The following GSE1 variants were observed in gnomAD, a reference collection of about 807,000 sequenced individuals.
GSE1 encodes Gse1 coiled-coil protein.
GSE1 carries 32 observed loss-of-function variants against 112.6 expected under a neutral mutation model. The ratio of observed to expected loss-of-function variants is 0.28; its 90% CI spans 0.21 to 0.38. GSE1 has a LOEUF of 0.38. GSE1 is among the 10% of genes least tolerant of loss of function. The pLI is 1.00. For missense variants in GSE1, 2,348 were observed against 1,699.2 expected, an observed-to-expected ratio of 1.38 and a Z score of -6.71; for synonymous variants, 1,115 against 735.6, an observed-to-expected ratio of 1.52 and a Z score of -8.35.
intron 1 of GSE1, among the ~76,000 whole-genome samples, chr16:85,291,226 G>A (rs768011481): frequency 3.3e-5 from 5 of 152,172 alleles, no homozygotes; most frequent in Non-Finnish European, 7.3e-5. Flanking sequence ...TCCAAGCTGA[G>A]GTCTCCTGAT....
At chr16:85,242,177 C>T (rs141600605) in intron 1 of GSE1, among the ~76,000 whole-genome samples, 1,761 of 152,306 alleles carry the variant, frequency 0.012, 13 homozygotes, top group Non-Finnish European at 0.017. Context: ...CAGAGGCCCT[C>T]GCTTCCTCTC....
At chr16:85,321,968 T>C (rs372821509) in intron 1 of GSE1, among the ~76,000 whole-genome samples, 57 of 152,316 alleles carry the variant, frequency 3.7e-4, no homozygotes, top group African/African-American at 1.3e-3. Flanking sequence ...TCCAGCTTCC[T>C]GACCGCCAGG....
chr16:85,654,237 A>G (rs757920669), intron 3 of GSE1, 41 bp from the exon 4 acceptor site: 12 of 1,553,284 alleles, frequency 7.7e-6, no homozygotes, highest in African/African-American at 2.7e-5. Flanking sequence ...TCAGTGGCCT[A>G]TACCAGGCTC....
At chr16:85,246,434 T>TAC (rs141045364) in intron 1 of GSE1, among the ~76,000 whole-genome samples, 8,618 of 44,106 alleles carry the variant, frequency 0.2, 1,155 homozygotes, top group Middle Eastern at 0.25. Context: ...CCATGCTCTC[T>TAC]ACACACACAC....
chr16:85,216,835 C>T (rs2075313564), intron 1 of GSE1, among the ~76,000 whole-genome samples: 1 of 152,254 alleles, frequency 6.6e-6, no homozygotes, highest in African/African-American at 2.4e-5. Flanking sequence ...CTCAAACCCA[C>T]TCCTGTCTCT....
rs139862928 is a variant in GSE1, at chr16:85,296,237, C to T, written c.2284-61226C>T. The stretch of plus-strand genomic sequence containing the variant: ...TCCCTCCCCGTGGCCAGTCTCTAAC[C>T]ACCTCCCACGCACGGCTCATCATGT... On this transcript the variant is annotated intron_variant, in intron 1 of 2. Coordinates refer to the GSE1 transcript ENST00000637419. Among the ~76,000 whole-genome samples the T allele has an allele frequency of 1.0e-3, 158 of 152,268 alleles. 2 individuals are homozygous for T. Among genetic ancestry groups the T allele is most frequent in the East Asian group, 5.2e-3 (27 of 5,178 alleles).
At position 85,211,108 on chromosome 16, in the gene GSE1, A is replaced by C. The variant is rs570445355; in HGVS notation, c.2283+39301A>C. Among the ~76,000 whole-genome samples, 22 of 152,228 alleles carry C rather than the reference A, an allele frequency of 1.4e-4. 1 individual carries two copies. In the South Asian group the frequency reaches 3.3e-3, roughly 23 times the overall value. On this transcript the variant is annotated intron_variant, in intron 1 of 2. Coordinates refer to the GSE1 transcript ENST00000637419. ...TATTGAGTGCCTCCTGTTTGCAGAC[A>C]CTGGGCTCTGTGAGCCACAGGCATG...
At chr16:85,668,022 C>G in intron 13 of GSE1, 118 bp from the exon 14 acceptor site, 1 of 754,216 alleles carries the variant, frequency 1.3e-6, no homozygotes, top group African/African-American at 1.7e-5. Context: ...TCATCTTGGT[C>G]CCCGGAGCCC....
chr16:85,227,371 G>T (rs2075507408), intron 1 of GSE1, among the ~76,000 whole-genome samples: 2 of 152,342 alleles, frequency 1.3e-5, no homozygotes, highest in Non-Finnish European at 1.5e-5. Context: ...TCAACGGTGG[G>T]TATGTCCAGA....
chr16:85,290,510 G>A (rs896053204), intron 1 of GSE1, among the ~76,000 whole-genome samples: 1 of 152,138 alleles, frequency 6.6e-6, no homozygotes, highest in African/African-American at 2.4e-5. Flanking sequence ...GGCCTTCTGT[G>A]TGTTCATTCC....
intron 1 of GSE1, among the ~76,000 whole-genome samples, chr16:85,312,101 C>T (rs567218252): frequency 6.6e-6 from 1 of 151,932 alleles, no homozygotes; most frequent in East Asian, 1.9e-4. Context: ...GAACAGGACG[C>T]TCAGACTCTC....
At chr16:85,296,831 G>A (rs1309002461) in intron 1 of GSE1, among the ~76,000 whole-genome samples, 2 of 151,286 alleles carry the variant, frequency 1.3e-5, no homozygotes, top group Non-Finnish European at 2.9e-5. Flanking sequence ...AACAGTCGGG[G>A]AGACTGAGGC....
intron 1 of GSE1, among the ~76,000 whole-genome samples, chr16:85,631,571 G>A (rs1336808173): frequency 2.0e-5 from 3 of 152,214 alleles, no homozygotes; most frequent in African/African-American, 7.2e-5. Flanking sequence ...GGCCTTGGCT[G>A]GACCCCCTGC....
At chr16:85,486,473 G>T (rs1424107708) in intron 2 of GSE1, among the ~76,000 whole-genome samples, 1 of 152,220 alleles carries the variant, frequency 6.6e-6, no homozygotes, top group East Asian at 1.9e-4. Flanking sequence ...AAAAGACATT[G>T]CAGCCGCTAA....
chr16:85,533,587 G>A (rs1598092790), intron 2 of GSE1, among the ~76,000 whole-genome samples: 2 of 152,096 alleles, frequency 1.3e-5, no homozygotes, highest in African/African-American at 4.8e-5. Context: ...TTATTGGCCA[G>A]GCATGGTGGC....
chr16:85,229,729 A>G (rs2143825367), intron 1 of GSE1, among the ~76,000 whole-genome samples: 1 of 152,342 alleles, frequency 6.6e-6, no homozygotes, highest in Middle Eastern at 3.4e-3. Context: ...TGGAAAGCGC[A>G]GTTCGCAGCT....
rs996748237 is a variant in GSE1, at chr16:85,321,334, G to A, written c.2284-36129G>A. Among the ~76,000 whole-genome samples the A allele has an allele frequency of 2.0e-5, 3 of 152,220 alleles. No individual in the cohort carries two copies. In the South Asian group the frequency reaches 6.2e-4, roughly 32 times the overall value. On this transcript the variant is annotated intron_variant, in intron 1 of 2. Coordinates refer to the GSE1 transcript ENST00000637419. ...CAGCACAAGGAGAGAGGAGGGCGAA[G>A]AAGGGATCCACTCCATGGTTTCTCC... is the stretch of plus-strand genomic sequence containing the variant.
chr16:85,205,283 C>T (rs947274199), intron 1 of GSE1, among the ~76,000 whole-genome samples: 6 of 152,126 alleles, frequency 3.9e-5, no homozygotes, highest in Non-Finnish European at 5.9e-5. Flanking sequence ...AGGTGCCCAC[C>T]ACCATGCCCA....
intron 1 of GSE1, among the ~76,000 whole-genome samples, chr16:85,614,023 C>G (rs991318552): frequency 1.3e-5 from 2 of 151,812 alleles, no homozygotes; most frequent in Non-Finnish European, 2.9e-5. Flanking sequence ...AAGGGCGCGC[C>G]CCGGGCTCGG....
Sources: allele counts gnomAD v4.1 joint callset (sites outside exome capture counted in the v4.1 genomes callset), GRCh38; gene constraint gnomAD v4.1.1; transcripts MANE v1.5; gene names NCBI Gene and HGNC (gene_info 2026-07-23, HGNC 2026-07-21).